SLC44A3: variants seen among roughly 807,000 people sequenced by gnomAD.
SLC44A3 encodes choline transporter-like protein 3.
SLC44A3 carries 74 observed loss-of-function variants against 75.4 expected under a neutral mutation model. The observed-to-expected ratio is 0.98, with a 90% CI of 0.81 to 1.19. SLC44A3 has a LOEUF of 1.19. Ranked by LOEUF, SLC44A3 falls within the 50% of genes most tolerant of loss-of-function variation. SLC44A3 has a pLI of 0.00. For synonymous variants in SLC44A3, 310 were observed against 296.9 expected, an observed-to-expected ratio of 1.04 and a Z score of -0.45; for missense variants, 700 against 778.6, an observed-to-expected ratio of 0.90 and a Z score of 1.20.
At chr1:94,864,979 C>G in intron 11 of SLC44A3, 80 bp downstream of exon 11, 1 of 1,488,056 alleles carries the variant, frequency 6.7e-7, no homozygotes, top group East Asian at 2.3e-5. Context: ...ACAGCAGGTC[C>G]CAGGACAGAA....
chr1:94,820,385 C>A lies in SLC44A3; in HGVS notation c.-67C>A, dbSNP rs1241862794. On this transcript the variant is annotated 5_prime_UTR_variant, in exon 1 of 15. Transcript: ENST00000271227. ...CCCGGCCCCGGCCCCGGCTCGCGGG[C>A]GCTGCGTCTCCGCGTACAGGAGGCG... The A allele has an allele frequency of 4.7e-5, 66 of 1,404,806 alleles. No homozygotes were observed. Among genetic ancestry groups the A allele is most frequent in the Non-Finnish European group, 5.6e-5 (61 of 1,082,856 alleles). The allele number at this position is 1,404,806 out of a possible 1,614,324, so 87.0% of individuals were successfully genotyped here.
In SLC44A3 at chr1:94,864,630, CTTA is replaced by C. The variant is rs749843436; in HGVS notation, c.1239-108_1239-106del. 162 of 1,121,308 alleles carry C rather than the reference CTTA, an allele frequency of 1.4e-4. 3 individuals are homozygous for C. The highest frequency in any genetic ancestry group is 5.6e-4 in the East Asian group (22 of 39,166). 69.5% of individuals were successfully genotyped at this position (1,121,308 alleles called of 1,614,324 possible). A position where few individuals can be genotyped will look rare whatever the true frequency, so the allele number is the denominator to read the frequency against. ...AGGAGTATAAAAAGTTCGCCAAATGCTTATTATGTCACAACTTTCTAAGTTGTT... is the reference window on the plus strand; with the variant it reads ...AGGAGTATAAAAAGTTCGCCAAATGCTTATGTCACAACTTTCTAAGTTGTT... On this transcript the variant is annotated intron_variant, in intron 10 of 14. Transcript: ENST00000271227.
intron 14 of SLC44A3, among the ~76,000 whole-genome samples, chr1:94,893,281 G>A (rs1670420491): frequency 6.6e-6 from 1 of 152,108 alleles, no homozygotes; most frequent in Non-Finnish European, 1.5e-5. Flanking sequence ...AGCATTTAAT[G>A]CACTCTTTGG....
At chr1:94,859,943 C>T (rs1666376093) in intron 10 of SLC44A3, among the ~76,000 whole-genome samples, 1 of 152,188 alleles carries the variant, frequency 6.6e-6, no homozygotes, top group Non-Finnish European at 1.5e-5. Context: ...AATGGATTCC[C>T]TGACTCCTAG....
chr1:94,833,372 T>C (rs1001934561), intron 5 of SLC44A3, among the ~76,000 whole-genome samples: 4 of 152,166 alleles, frequency 2.6e-5, no homozygotes, highest in African/African-American at 4.8e-5. Context: ...TGGCTGGTCA[T>C]GTGAGAGGCT....
intron 12 of SLC44A3, among the ~76,000 whole-genome samples, chr1:94,882,344 G>A (rs544415788): frequency 1.9e-4 from 29 of 152,240 alleles, no homozygotes; most frequent in South Asian, 1.0e-3. Flanking sequence ...AGGAAACCAG[G>A]GAGTGGCGCT....
In SLC44A3 at chr1:94,840,283, C is replaced by CTTTTTT. The variant is rs56383271; in HGVS notation, c.760+265_760+270dup. On this transcript the variant is annotated intron_variant, in intron 7 of 14. Transcript: ENST00000271227. The stretch of plus-strand genomic sequence containing the variant: ...TTCTTTTCTTTTCTTTTTCTTTTTC[C>CTTTTTT]TTTTTTTTTTTTTTTTTTTTTTTTG... Among the ~76,000 whole-genome samples, 154 of 77,376 alleles carry CTTTTTT rather than the reference C, an allele frequency of 2.0e-3. 1 individual carries two copies. The highest frequency in any genetic ancestry group is 3.5e-3 in the African/African-American group (69 of 19,462). The allele number at this position is 77,376 out of a possible 152,430, so 50.8% of individuals were successfully genotyped here.
intron 6 of SLC44A3, among the ~76,000 whole-genome samples, chr1:94,839,410 C>T (rs1268605384): frequency 6.6e-6 from 1 of 151,736 alleles, no homozygotes; most frequent in Non-Finnish European, 1.5e-5. Flanking sequence ...TTTATTGAGA[C>T]AGAGTCTTGC....
chr1:94,845,873 G>T (rs184982996), intron 9 of SLC44A3, among the ~76,000 whole-genome samples: 19 of 152,312 alleles, frequency 1.2e-4, no homozygotes, highest in South Asian at 8.3e-4. Context: ...GTGCAGCCGG[G>T]TGCTATGGCT....
chr1:94,836,517 T>C (rs772440799), intron 5 of SLC44A3, among the ~76,000 whole-genome samples: 77 of 152,346 alleles, frequency 5.1e-4, no homozygotes, highest in Admixed American at 9.1e-4. Context: ...TTAACACAGC[T>C]TCTGTCTCAT....
At chr1:94,878,023 A>G (rs1668486870) in intron 12 of SLC44A3, among the ~76,000 whole-genome samples, 1 of 152,178 alleles carries the variant, frequency 6.6e-6, no homozygotes, top group Admixed American at 6.5e-5. Flanking sequence ...TCACGAGGTC[A>G]GGAGATCGAG....
At chr1:94,846,965 G>A (rs1177366196) in intron 9 of SLC44A3, among the ~76,000 whole-genome samples, 2 of 152,250 alleles carry the variant, frequency 1.3e-5, no homozygotes, top group Non-Finnish European at 2.9e-5. Flanking sequence ...AGGCTGCCTG[G>A]AAGGCATGGC....
chr1:94,834,683 C>T (rs1018843524), intron 5 of SLC44A3, among the ~76,000 whole-genome samples: 1 of 152,070 alleles, frequency 6.6e-6, no homozygotes, highest in Non-Finnish European at 1.5e-5. Flanking sequence ...TGGGGTTTCA[C>T]CACGTTGGCC....
chr1:94,881,703 C>CA (rs1178725128), intron 12 of SLC44A3, among the ~76,000 whole-genome samples: 1,655 of 126,248 alleles, frequency 0.013, 39 homozygotes, highest in African/African-American at 0.045. Context: ...GACTCCGTCT[C>CA]AAAAAAAAAA....
Position 94,895,015 on chromosome 1 carries a change from T to C in SLC44A3, c.*93T>C. On this transcript the variant is annotated 3_prime_UTR_variant, in exon 15 of 15. Coordinates refer to ENST00000271227, the MANE Select transcript of SLC44A3 (RefSeq NM_001114106.3). ...AGACCACTAGAGAAAAGTTAGTGAA[T>C]TTTTTTTTAAAAGACCTAATAAACC... 1 of 922,496 alleles carries C rather than the reference T, an allele frequency of 1.1e-6. No homozygotes were observed. Among genetic ancestry groups the C allele is most frequent in the Non-Finnish European group, 1.6e-6 (1 of 624,220 alleles). The allele number at this position is 922,496 out of a possible 1,614,324, so 57.1% of individuals were successfully genotyped here.
chr1:94,882,281 A>G (rs1342361506), intron 12 of SLC44A3, among the ~76,000 whole-genome samples: 2 of 152,192 alleles, frequency 1.3e-5, no homozygotes, highest in Admixed American at 6.5e-5. Flanking sequence ...GCTGTGGCCC[A>G]CTGGCTTTGC....
In SLC44A3 at chr1:94,837,743, C is replaced by G; in HGVS notation, c.542C>G (p.Pro181Arg). The change falls in exon 6 of 15, where the codon CCT (proline) becomes CGT (arginine). Residue 181 changes from proline to arginine, a missense_variant. By Grantham distance (103) the Pro-to-Arg change is moderately radical. Transcript: ENST00000271227. Reference protein sequence around the residue: ...KSFPLFNRCVPQTPECYSLFA... With the variant: ...KSFPLFNRCVRQTPECYSLFA... Reference sequence around the variant, plus strand: ...TTTCCCTTATTTAACCGATGTGTCCCTCAAACACCTGAGTGCTACTCCCTA... The same window carrying G: ...TTTCCCTTATTTAACCGATGTGTCCGTCAAACACCTGAGTGCTACTCCCTA... The G allele has an allele frequency of 1.3e-6, 2 of 1,597,356 alleles. No homozygotes were observed. Among genetic ancestry groups the G allele is most frequent in the Non-Finnish European group, 1.7e-6 (2 of 1,173,864 alleles).
intron 10 of SLC44A3, among the ~76,000 whole-genome samples, chr1:94,863,260 T>C (rs1666789188): frequency 6.6e-6 from 1 of 152,140 alleles, no homozygotes; most frequent in African/African-American, 2.4e-5. Context: ...CCAGGATGTG[T>C]TACAGACTAG....
chr1:94,895,226 TAAAC>T lies in SLC44A3; in HGVS notation c.*305_*308del, dbSNP rs1305870989. The stretch of plus-strand genomic sequence containing the variant: ...AGTTTGTAAGTGCACAACTAATAAA[TAAAC>T]CTTTTTAAGATAAGGATTTTGTTAG... On this transcript the variant is annotated 3_prime_UTR_variant, in exon 15 of 15. Coordinates refer to ENST00000271227, the MANE Select transcript of SLC44A3 (RefSeq NM_001114106.3). 4 of 214,548 alleles carry T rather than the reference TAAAC, an allele frequency of 1.9e-5. No homozygotes were observed. The highest frequency in any genetic ancestry group is 3.7e-5 in the Non-Finnish European group (4 of 107,520). 13.3% of individuals were successfully genotyped at this position (214,548 alleles called of 1,614,324 possible).
Sources: gnomAD v4.1 joint callset for allele counts (sites outside exome capture counted in the v4.1 genomes callset) on GRCh38, gnomAD v4.1.1 for gene constraint, MANE v1.5 for transcripts, NCBI Gene and HGNC (gene_info 2026-07-23, HGNC 2026-07-21) for gene names.